The following C16orf74 variants were observed in gnomAD, a reference collection of about 807,000 sequenced individuals.
C16orf74 encodes the protein calcimembrin.
C16orf74 carries 10 observed loss-of-function variants against 6.5 expected under a neutral mutation model. The ratio of observed to expected loss-of-function variants is 1.54; its 90% CI spans 0.95 to 2.61. The LOEUF is 2.61. Among genes scored for constraint, C16orf74 ranks in the 30% most tolerant of loss-of-function variants. The pLI, the probability that C16orf74 is intolerant of heterozygous loss-of-function variation, is 0.00. For synonymous variants in C16orf74, 60 were observed against 42.5 expected (o/e 1.41, Z -1.60); for missense variants, 141 against 105.9 (o/e 1.33, Z -1.45).
chr16:85,740,432 G>A (rs897906636), intron 1 of C16orf74, among the ~76,000 whole-genome samples: 1 of 151,758 alleles, frequency 6.6e-6, no homozygotes, highest in South Asian at 2.1e-4. Flanking sequence ...GCCGGGCGCG[G>A]TGGCTCACGC....
intron 2 of C16orf74, among the ~76,000 whole-genome samples, chr16:85,726,848 G>T (rs1213623523): frequency 6.6e-6 from 1 of 152,010 alleles, no homozygotes; most frequent in Non-Finnish European, 1.5e-5. Flanking sequence ...CACCATGCAC[G>T]CCAGGCTGCT....
intron 1 of C16orf74, among the ~76,000 whole-genome samples, chr16:85,737,100 C>T (rs982744961): frequency 1.3e-5 from 2 of 152,010 alleles, no homozygotes; most frequent in Admixed American, 1.3e-4. Flanking sequence ...TGAGCAGCAG[C>T]GAGAACTGAG....
At chr16:85,713,867 G>A (rs923713573) in intron 2 of C16orf74, among the ~76,000 whole-genome samples, 1 of 152,210 alleles carries the variant, frequency 6.6e-6, no homozygotes, top group African/African-American at 2.4e-5. Context: ...GAGGACAGTG[G>A]GAGACTGTGC....
chr16:85,732,724 AC>A (rs2152063373), intron 2 of C16orf74, among the ~76,000 whole-genome samples: 1 of 146,154 alleles, frequency 6.8e-6, no homozygotes, highest in South Asian at 2.2e-4. Context: ...TCCCCAAGTC[AC>A]CCCCATGCTT....
Position 85,751,068 on chromosome 16 carries a change from C to T in C16orf74, c.-161G>A, listed in dbSNP as rs1399472742. ...AAGACAGAGCAGCGGGGGTCATGGC[C>T]CGGCCGGCGCTCGGGCAGCCGCGCG... On this transcript the variant is annotated 5_prime_UTR_variant, in exon 1 of 4. Coordinates refer to ENST00000284245, the MANE Select transcript of C16orf74 (RefSeq NM_206967.3). 1 of 148,318 alleles carries T rather than the reference C, an allele frequency of 6.7e-6. No homozygotes were observed. Among genetic ancestry groups the T allele is most frequent in the Non-Finnish European group, 1.5e-5 (1 of 66,540 alleles). 9.2% of individuals were successfully genotyped at this position (148,318 alleles called of 1,614,324 possible).
intron 2 of C16orf74, among the ~76,000 whole-genome samples, chr16:85,724,480 T>C (rs1288617802): frequency 6.6e-6 from 1 of 152,118 alleles, no homozygotes; most frequent in African/African-American, 2.4e-5. Context: ...GGTGGGAGCT[T>C]TACCACCTGA....
At chr16:85,727,964 CAAAAAAA>C (rs59377902) in intron 2 of C16orf74, among the ~76,000 whole-genome samples, 27 of 75,792 alleles carry the variant, frequency 3.6e-4, no homozygotes, top group Non-Finnish European at 4.5e-4. Flanking sequence ...CCCTTCTCTA[CAAAAAAA>C]AAAAAAAAAA....
chr16:85,733,495 G>A (rs771559612), intron 2 of C16orf74, among the ~76,000 whole-genome samples: 1 of 152,306 alleles, frequency 6.6e-6, no homozygotes, highest in Non-Finnish European at 1.5e-5. Context: ...ACAACACTGT[G>A]AACGTGCTTA....
At chr16:85,723,570 T>C (rs983757086) in intron 2 of C16orf74, among the ~76,000 whole-genome samples, 1 of 152,132 alleles carries the variant, frequency 6.6e-6, no homozygotes, top group African/African-American at 2.4e-5. Flanking sequence ...CTGGTGTGAC[T>C]TCAGGGGGTT....
intron 3 of C16orf74, 58 bp from the exon 4 acceptor site, chr16:85,708,124 C>T (rs923314901): frequency 7.7e-6 from 11 of 1,437,126 alleles, no homozygotes; most frequent in African/African-American, 5.7e-5. Flanking sequence ...CACCAAGCCC[C>T]GTTTCCCTGG....
chr16:85,741,207 A>G (rs1466210036), intron 1 of C16orf74, among the ~76,000 whole-genome samples: 1 of 152,114 alleles, frequency 6.6e-6, no homozygotes, highest in African/African-American at 2.4e-5. Context: ...TTTTCCTGCT[A>G]GCAGCTTCTA....
intron 2 of C16orf74, among the ~76,000 whole-genome samples, chr16:85,723,404 T>TAA (rs60328062): frequency 5.3e-4 from 72 of 135,104 alleles, no homozygotes; most frequent in Admixed American, 1.2e-3. Context: ...CCATCTGTAC[T>TAA]AAAAAAAAAA....
chr16:85,741,934 T>C (rs1389946630), intron 1 of C16orf74, among the ~76,000 whole-genome samples: 2 of 152,186 alleles, frequency 1.3e-5, no homozygotes, highest in South Asian at 2.1e-4. Flanking sequence ...CCAAACCTCA[T>C]GTTGAAATTT....
intron 1 of C16orf74, among the ~76,000 whole-genome samples, chr16:85,747,548 C>G (rs957256237): frequency 6.6e-6 from 1 of 151,934 alleles, no homozygotes; most frequent in African/African-American, 2.4e-5. Flanking sequence ...TGGGGGTGTC[C>G]TGGGGGGCTG....
At chr16:85,740,125 G>A (rs1001315087) in intron 1 of C16orf74, among the ~76,000 whole-genome samples, 3 of 143,604 alleles carry the variant, frequency 2.1e-5, no homozygotes, top group African/African-American at 7.8e-5. Context: ...CAGGAGAATC[G>A]CTTGAACCCA....
At chr16:85,742,539 A>G (rs1421498594) in intron 1 of C16orf74, among the ~76,000 whole-genome samples, 1 of 152,128 alleles carries the variant, frequency 6.6e-6, no homozygotes, top group Non-Finnish European at 1.5e-5. Context: ...ACTGTGAGCC[A>G]AATGAAACTT....
chr16:85,711,116 C>A (rs1169050891), intron 2 of C16orf74, among the ~76,000 whole-genome samples: 3 of 151,966 alleles, frequency 2.0e-5, no homozygotes. Flanking sequence ...GAGTTCAAGA[C>A]CAGCCTGGCC....
At chr16:85,728,879 C>A (rs547232326) in intron 2 of C16orf74, among the ~76,000 whole-genome samples, 37 of 152,320 alleles carry the variant, frequency 2.4e-4, no homozygotes, top group Non-Finnish European at 4.4e-4. Flanking sequence ...AGCCACTTTG[C>A]CAGTGGTCCT....
intron 2 of C16orf74, among the ~76,000 whole-genome samples, chr16:85,730,913 T>G (rs1209866138): frequency 7.2e-6 from 1 of 138,506 alleles, no homozygotes; most frequent in Admixed American, 8.2e-5. Context: ...TGACTGAACC[T>G]CCCAGACCAG....
Sources: gnomAD v4.1 joint callset for allele counts (sites outside exome capture counted in the v4.1 genomes callset) on GRCh38, gnomAD v4.1.1 for gene constraint, MANE v1.5 for transcripts, NCBI Gene and HGNC (gene_info 2026-07-23, HGNC 2026-07-21) for gene names.